Variants in SLC16A7 observed in about 807,000 individuals in gnomAD.
The protein encoded by SLC16A7 is monocarboxylate transporter 2.
SLC16A7 carries 33 observed loss-of-function variants against 34.9 expected under a neutral mutation model. That is an observed-to-expected ratio of 0.94 (90% CI 0.72 to 1.26). The LOEUF is 1.26. Among genes scored for constraint, SLC16A7 ranks in the 50% most tolerant of loss-of-function variants. SLC16A7 has a pLI of 0.00. For synonymous variants in SLC16A7, 201 were observed against 206.6 expected (o/e 0.97, Z 0.23); for missense variants, 573 against 578.1 (o/e 0.99, Z 0.09).
chr12:59,710,019 TTGTG>T (rs1378792019), intron 3 of SLC16A7, among the ~76,000 whole-genome samples: 2 of 151,766 alleles, frequency 1.3e-5, no homozygotes, highest in Non-Finnish European at 2.9e-5. Flanking sequence ...GCTTGGTTTA[TTGTG>T]TAACAACAAT....
chr12:59,640,426 G>GCC (rs34078003), intron 1 of SLC16A7, among the ~76,000 whole-genome samples: 4 of 151,600 alleles, frequency 2.6e-5, no homozygotes, highest in Non-Finnish European at 5.9e-5. Flanking sequence ...TGAACTTTAT[G>GCC]CCCCCCCAGA....
At chr12:59,754,778 A>T (rs1592649367) in intron 3 of SLC16A7, among the ~76,000 whole-genome samples, 1 of 152,348 alleles carries the variant, frequency 6.6e-6, no homozygotes, top group East Asian at 1.9e-4. Flanking sequence ...TCATCCTGAT[A>T]CCAAAGCTGG....
chr12:59,760,440 A>G (rs1288029178), intron 3 of SLC16A7, among the ~76,000 whole-genome samples: 1 of 152,080 alleles, frequency 6.6e-6, no homozygotes. Flanking sequence ...TGTGGGAGAT[A>G]TGTTCTAAGA....
Position 59,787,554 on chromosome 12 carries a change from G to C in SLC16A7, c.*7875G>C, listed in dbSNP as rs1262235978. 2 of 152,102 alleles carry C rather than the reference G, an allele frequency of 1.3e-5. No individual in the cohort carries two copies. Among genetic ancestry groups the C allele is most frequent in the East Asian group, 3.9e-4 (2 of 5,182 alleles). 9.4% of individuals were successfully genotyped at this position (152,102 alleles called of 1,614,324 possible). ...AAACAAAAATCACACCTAAATTAAA[G>C]ATCTGTGGTGAAGGGGAAGAGGGGT... On this transcript the variant is annotated 3_prime_UTR_variant, in exon 6 of 6. Coordinates refer to ENST00000547379, the MANE Select transcript of SLC16A7 (RefSeq NM_001270623.2).
rs1878625785 is a variant in SLC16A7 at position 59,744,086 on chromosome 12, A to G, written c.218-27133A>G. Among the ~76,000 whole-genome samples the G allele has an allele frequency of 2.6e-5, 4 of 152,356 alleles. No homozygotes were observed. In the South Asian group the frequency reaches 8.3e-4, roughly 32 times the overall value. On this transcript the variant is annotated intron_variant, in intron 3 of 5. Coordinates refer to ENST00000547379, the MANE Select transcript of SLC16A7 (RefSeq NM_001270623.2). The stretch of plus-strand genomic sequence containing the variant: ...AAATGCACATATATTATCTTGCGTA[A>G]GATTATTGATAGGGACTGGAGGCAG...
chr12:59,666,820 C>T (rs1365156647), intron 2 of SLC16A7, among the ~76,000 whole-genome samples: 3 of 152,078 alleles, frequency 2.0e-5, no homozygotes, highest in Non-Finnish European at 2.9e-5. Context: ...CAAATTGGTG[C>T]TGAAAGAGTG....
At chr12:59,627,133 G>C (rs1879962791) in intron 1 of SLC16A7, among the ~76,000 whole-genome samples, 1 of 151,640 alleles carries the variant, frequency 6.6e-6, no homozygotes, top group Non-Finnish European at 1.5e-5. Flanking sequence ...TTCCCCACAG[G>C]ACTCATATCA....
chr12:59,773,360 T>C (rs1480532476), intron 4 of SLC16A7, among the ~76,000 whole-genome samples: 2 of 152,116 alleles, frequency 1.3e-5, no homozygotes, highest in Non-Finnish European at 2.9e-5. Flanking sequence ...AAAATGTCTG[T>C]ATTAAAGGGT....
rs150197921 is a variant in SLC16A7 at position 59,738,505 on chromosome 12, C to T, written c.218-32714C>T. On this transcript the variant is annotated intron_variant, in intron 3 of 5. Transcript: ENST00000547379. Reference sequence around the variant, plus strand: ...TTCTGCAACTGGTTATGGGAGAAGGCCTGTCTATTCTGACATAGACCAAGT... The same window carrying T: ...TTCTGCAACTGGTTATGGGAGAAGGTCTGTCTATTCTGACATAGACCAAGT... 1.4e-3 allele frequency among the ~76,000 whole-genome samples: 216 copies of T among 152,224 alleles called. 1 individual carries two copies. Among genetic ancestry groups the T allele is most frequent in the Middle Eastern group, 6.8e-3 (2 of 294 alleles).
At chr12:59,649,233 T>G (rs1376110147) in intron 1 of SLC16A7, among the ~76,000 whole-genome samples, 3 of 152,032 alleles carry the variant, frequency 2.0e-5, no homozygotes, top group African/African-American at 7.2e-5. Flanking sequence ...TCATAGAGTG[T>G]ACAATGGACA....
chr12:59,744,528 C>T (rs753183580), intron 3 of SLC16A7, among the ~76,000 whole-genome samples: 3 of 152,150 alleles, frequency 2.0e-5, no homozygotes, highest in Non-Finnish European at 2.9e-5. Context: ...ACCCTCAATT[C>T]ATTCGTGCAA....
chr12:59,751,895 C>T (rs1879624729), intron 3 of SLC16A7, among the ~76,000 whole-genome samples: 2 of 152,268 alleles, frequency 1.3e-5, no homozygotes, highest in South Asian at 4.1e-4. Context: ...GCCGGGTACT[C>T]CTCTTAGACA....
chr12:59,725,135 G>C (rs1342883983), intron 3 of SLC16A7, among the ~76,000 whole-genome samples: 1 of 151,936 alleles, frequency 6.6e-6, no homozygotes, highest in African/African-American at 2.4e-5. Flanking sequence ...ATAACTAAAA[G>C]TATAGAATAC....
At chr12:59,720,389 A>G (rs746128638) in intron 3 of SLC16A7, among the ~76,000 whole-genome samples, 128 of 152,232 alleles carry the variant, frequency 8.4e-4, no homozygotes, top group Non-Finnish European at 1.8e-4. Context: ...GACCAGTCAT[A>G]GTAGGGTAAA....
chr12:59,630,096 A>G (rs1237626361), intron 1 of SLC16A7, among the ~76,000 whole-genome samples: 1 of 151,878 alleles, frequency 6.6e-6, no homozygotes, highest in African/African-American at 2.4e-5. Flanking sequence ...GGTAATTGCG[A>G]TACACCCTGA....
chr12:59,596,119 G>C lies in SLC16A7; in HGVS notation c.-247G>C, dbSNP rs1392657825. 6.6e-6 allele frequency: 1 copy of C among 152,150 alleles called. No individual in the cohort carries two copies. Among genetic ancestry groups the C allele is most frequent in the African/African-American group, 2.4e-5 (1 of 41,404 alleles). The allele number at this position is 152,150 out of a possible 1,614,324, so 9.4% of individuals were successfully genotyped here. A position where few individuals can be genotyped will look rare whatever the true frequency, so the allele number is the denominator to read the frequency against. On this transcript the variant is annotated 5_prime_UTR_variant, in exon 1 of 6. Coordinates refer to ENST00000547379, the MANE Select transcript of SLC16A7 (RefSeq NM_001270623.2). This position sits in a 1 kb window ranked among gnomAD's most constrained non-coding sequence, Gnocchi z 5.0. ...CGCTGGCTGTGGCGGGCGAGGACAC[G>C]TCAGGGGCCATAAATAAATAAATAA...
intron 3 of SLC16A7, among the ~76,000 whole-genome samples, chr12:59,709,951 A>G (rs1458395201): frequency 6.6e-6 from 1 of 151,620 alleles, no homozygotes; most frequent in Non-Finnish European, 1.5e-5. Flanking sequence ...TTGATCTGGC[A>G]TGCATCTTCC....
chr12:59,740,326 G>C (rs1878154125), intron 3 of SLC16A7, among the ~76,000 whole-genome samples: 1 of 151,860 alleles, frequency 6.6e-6, no homozygotes, highest in Admixed American at 6.6e-5. Flanking sequence ...GCTTGTTTTT[G>C]TCAGGTTTGT....
chr12:59,746,472 A>T lies in SLC16A7; in HGVS notation c.218-24747A>T, dbSNP rs574561952. On this transcript the variant is annotated intron_variant, in intron 3 of 5. Coordinates refer to ENST00000547379, the MANE Select transcript of SLC16A7 (RefSeq NM_001270623.2). ...AATCAGAAAAGAGTTTTAATCTACAATTTTTAATTTGGTACCCACCAGGTA... is the reference window on the plus strand; with the variant it reads ...AATCAGAAAAGAGTTTTAATCTACATTTTTTAATTTGGTACCCACCAGGTA... Among the ~76,000 whole-genome samples the T allele has an allele frequency of 1.5e-3, 233 of 152,304 alleles. 1 individual carries two copies. Among genetic ancestry groups the T allele is most frequent in the African/African-American group, 4.7e-3 (194 of 41,560 alleles).
Sources: allele counts gnomAD v4.1 joint callset (sites outside exome capture counted in the v4.1 genomes callset), GRCh38; gene constraint gnomAD v4.1.1; non-coding constraint Gnocchi (gnomAD v3.1); transcripts MANE v1.5; gene names NCBI Gene and HGNC (gene_info 2026-07-23, HGNC 2026-07-21).